ENKUR: variants seen among roughly 807,000 people sequenced by gnomAD.
ENKUR encodes enkurin, TRPC channel interacting protein.
Under a neutral mutation model 27.6 loss-of-function variants are expected in ENKUR, and 19 were observed. The observed-to-expected ratio is 0.69, with a 90% CI of 0.48 to 1.01. ENKUR has a LOEUF of 1.01. Among genes scored for constraint, ENKUR ranks in the 50% least tolerant of loss-of-function variants. The pLI is 0.00. For synonymous variants in ENKUR, 117 were observed against 96.9 expected (o/e 1.21, Z -1.22); for missense variants, 312 against 310.5 (o/e 1.00, Z -0.04).
At chr10:24,997,064 C>T (rs1205472976) in intron 2 of ENKUR, among the ~76,000 whole-genome samples, 1 of 152,014 alleles carries the variant, frequency 6.6e-6, no homozygotes, top group East Asian at 1.9e-4. Flanking sequence ...AAGAAACCAA[C>T]CCTGCTGCGT....
chr10:25,034,053 T>G (rs1850972002), intron 2 of ENKUR, among the ~76,000 whole-genome samples: 1 of 152,132 alleles, frequency 6.6e-6, no homozygotes, highest in South Asian at 2.1e-4. Context: ...AAAGTACATT[T>G]CTACATCAGT....
chr10:25,025,087 G>T (rs1011940155), intron 2 of ENKUR: 1 of 1,614,188 alleles, frequency 6.2e-7, no homozygotes, highest in Non-Finnish European at 8.5e-7. Context: ...GTGCTCTGAG[G>T]GAGAGTGCCT....
In ENKUR at chr10:24,984,840, A is replaced by G. The variant is rs1849746545; in HGVS notation, c.660T>C (p.Ser220=). The change falls in exon 5 of 6, where the codon TCT becomes TCC. Residue 220 remains serine, a synonymous_variant. Transcript: ENST00000331161. ...EFQSLSVFID[S]IPKKIRKQRL... is the part of the protein sequence containing the mutation. ...TCTGCTTGCGGATCTTCTTTGGTAT[A>G]GAATCTATAAAGACCGAGAGGGACT... The G allele has an allele frequency of 1.2e-6, 2 of 1,613,756 alleles. No individual in the cohort carries two copies. The highest frequency in any genetic ancestry group is 3.3e-5 in the Admixed American group (2 of 59,982).
At chr10:25,041,876 C>A (rs1410821917) in intron 2 of ENKUR, among the ~76,000 whole-genome samples, 1 of 152,098 alleles carries the variant, frequency 6.6e-6, no homozygotes, top group Non-Finnish European at 1.5e-5. Flanking sequence ...GACTATGGAA[C>A]TATTTCAGAT....
intron 3 of ENKUR, among the ~76,000 whole-genome samples, chr10:24,992,324 G>A (rs1470568557): frequency 6.6e-6 from 1 of 152,088 alleles, no homozygotes; most frequent in Non-Finnish European, 1.5e-5. Flanking sequence ...AAAATAATAG[G>A]GGCTATTTTA....
chr10:25,052,546 C>A (rs1470424490), intron 2 of ENKUR, among the ~76,000 whole-genome samples: 3 of 152,012 alleles, frequency 2.0e-5, no homozygotes, highest in Admixed American at 6.6e-5. Flanking sequence ...GTGGGAGAAT[C>A]GCTTGAAGCC....
chr10:25,031,267 G>C (rs1206492610), intron 2 of ENKUR, among the ~76,000 whole-genome samples: 2 of 152,250 alleles, frequency 1.3e-5, no homozygotes, highest in East Asian at 3.9e-4. Context: ...TCAATAGAAA[G>C]TGGCAGAAGG....
intron 1 of ENKUR, among the ~76,000 whole-genome samples, chr10:25,010,349 A>C (rs1317817341): frequency 6.6e-6 from 1 of 152,188 alleles, no homozygotes; most frequent in East Asian, 1.9e-4. Flanking sequence ...AGAAATTTCT[A>C]AGCGGCAAAA....
At chr10:25,039,951 A>AT (rs1220761460) in intron 2 of ENKUR, among the ~76,000 whole-genome samples, 9 of 151,766 alleles carry the variant, frequency 5.9e-5, no homozygotes, top group African/African-American at 2.2e-4. Flanking sequence ...AAAAAAAAAA[A>AT]AAAAGTAGCT....
At chr10:25,054,522 CTTTCTTTCCTTT>C (rs2130492218) in intron 2 of ENKUR, among the ~76,000 whole-genome samples, 5 of 131,774 alleles carry the variant, frequency 3.8e-5, no homozygotes, top group African/African-American at 1.5e-4. Context: ...TCCTTTCTTT[CTTTCTTTCCTTT>C]CTTTCTTTCT....
intron 1 of ENKUR, among the ~76,000 whole-genome samples, chr10:25,003,794 A>T (rs1461079674): frequency 2.6e-5 from 4 of 152,094 alleles, no homozygotes; most frequent in Admixed American, 2.0e-4. Context: ...CCTAGTACTC[A>T]TTACTTGTTT....
intron 1 of ENKUR, among the ~76,000 whole-genome samples, chr10:25,002,224 T>C (rs1446482830): frequency 1.3e-5 from 2 of 152,222 alleles, no homozygotes; most frequent in Admixed American, 6.5e-5. Flanking sequence ...CTGGCACTAC[T>C]GCTTTCTGTT....
chr10:24,997,010 C>A (rs1486306180), intron 2 of ENKUR, among the ~76,000 whole-genome samples: 27 of 152,128 alleles, frequency 1.8e-4, no homozygotes, highest in Admixed American at 1.8e-3. Flanking sequence ...CGTAAAGATA[C>A]AGAGAAAAGA....
chr10:24,990,702 G>A, intron 3 of ENKUR, 93 bp from the exon 4 acceptor site: 1 of 1,263,638 alleles, frequency 7.9e-7, no homozygotes, highest in South Asian at 1.5e-5. Flanking sequence ...AAAAGAAATG[G>A]TACAGACTAA....
upstream of ENKUR, among the ~76,000 whole-genome samples, chr10:25,018,194 A>G (rs1290305898): frequency 6.6e-6 from 1 of 152,226 alleles, no homozygotes; most frequent in Non-Finnish European, 1.5e-5. Flanking sequence ...AGGTTGTTAA[A>G]TCATTTGGAA....
At chr10:25,016,719 C>T (rs1243277222), upstream of ENKUR, 1 of 152,360 alleles carries the variant, frequency 6.6e-6, no homozygotes, top group Non-Finnish European at 1.5e-5. Context: ...CCTGTGGAGG[C>T]TTTAGCGGCT....
At chr10:24,988,116 C>T (rs1156441724) in intron 4 of ENKUR, among the ~76,000 whole-genome samples, 6 of 151,058 alleles carry the variant, frequency 4.0e-5, no homozygotes, top group Non-Finnish European at 7.4e-5. Context: ...TTCAGCTACT[C>T]GGGAGGCTGA....
At chr10:25,042,441 C>T (rs1292916150) in intron 2 of ENKUR, among the ~76,000 whole-genome samples, 1 of 151,968 alleles carries the variant, frequency 6.6e-6, no homozygotes, top group Non-Finnish European at 1.5e-5. Flanking sequence ...ATTACAGGCA[C>T]CCACCACCAC....
intron 2 of ENKUR, among the ~76,000 whole-genome samples, chr10:25,035,486 T>G (rs1035185506): frequency 6.6e-6 from 1 of 150,748 alleles, no homozygotes; most frequent in Non-Finnish European, 1.5e-5. Context: ...ATCCAGGAGG[T>G]GGAGGTTGCA....
Sources: allele counts gnomAD v4.1 joint callset (sites outside exome capture counted in the v4.1 genomes callset), GRCh38; gene constraint gnomAD v4.1.1; transcripts MANE v1.5; gene names NCBI Gene and HGNC (gene_info 2026-07-23, HGNC 2026-07-21).